The following SOX13 variants were observed in gnomAD, a reference collection of about 807,000 sequenced individuals.
SOX13 encodes SRY-box transcription factor 13, also known as transcription factor SOX-13.
In SOX13, 28 loss-of-function variants were observed where a neutral mutation model predicts 71.8. That is an observed-to-expected ratio of 0.39 (90% CI 0.29 to 0.53). The LOEUF (loss-of-function observed/expected upper bound fraction) is 0.53. Among genes scored for constraint, SOX13 ranks in the 20% least tolerant of loss-of-function variants. The pLI is 0.70. For missense variants in SOX13, 627 were observed against 810.3 expected (o/e 0.77, Z 2.75); for synonymous variants, 309 against 317.8 (o/e 0.97, Z 0.29).
chr1:204,122,949 AC>A lies in SOX13; in HGVS notation c.1125del (p.Phe376SerfsTer30). On this transcript the variant is annotated frameshift_variant, in exon 10 of 14. Coordinates refer to ENST00000367204, the MANE Select transcript of SOX13 (RefSeq NM_005686.3). LOFTEE classifies it high-confidence loss of function. ...TGGGGCCTTGGATGGCTCCCCCAAC[AC>A]CCCCTTCCGTAAGGTATGGTCCCCC... ...HSGALDGSPN[T>X]PFRKDLISLD... The A allele has an allele frequency of 1.9e-6, 3 of 1,583,642 alleles. No individual in the cohort carries two copies. Among genetic ancestry groups the A allele is most frequent in the South Asian group, 1.1e-5 (1 of 87,596 alleles).
At position 204,123,001 on chromosome 1, in the gene SOX13, C is replaced by T. The variant is rs74139464; in HGVS notation, c.1134+38C>T. The T allele has an allele frequency of 0.037, 56,239 of 1,516,266 alleles. 1,208 individuals are homozygous for T. Among genetic ancestry groups the T allele is most frequent in the African/African-American group, 0.073 (5,371 of 73,264 alleles). 93.9% of individuals were successfully genotyped at this position (1,516,266 alleles called of 1,614,324 possible). The stretch of plus-strand genomic sequence containing the variant: ...ACTCCCTTGAGCCTAGGGGCAGCAA[C>T]AGATGGTGGCCAGGAGTGGAAGACA... On this transcript the variant is annotated intron_variant, in intron 10 of 13. Transcript: ENST00000367204. This position sits in a 1 kb window ranked among gnomAD's most constrained non-coding sequence, Gnocchi z 5.0.
chr1:204,109,989 C>CA (rs1454984030), intron 1 of SOX13, among the ~76,000 whole-genome samples: 1 of 151,562 alleles, frequency 6.6e-6, no homozygotes, highest in Non-Finnish European at 1.5e-5. Context: ...TGCACCACCA[C>CA]ACCCGGCTAA....
In SOX13 at chr1:204,124,699, G is replaced by A. The variant is rs550267540; in HGVS notation, c.1434G>A (p.Ala478=). Residue 478 remains alanine (A), a synonymous_variant, in exon 13 of 14, where the codon GCG becomes GCA. Transcript: ENST00000367204. The part of the protein sequence containing the change: ...QEKQPYYEEQ[A]RLSRQHLEKY... ...AGCAGCCCTACTATGAGGAACAGGC[G>A]CGGCTGAGCCGGCAGCACCTGGAGA... 72 of 1,613,482 alleles carry A rather than the reference G, an allele frequency of 4.5e-5. No homozygotes were observed. Among genetic ancestry groups the A allele is most frequent in the South Asian group, 2.2e-4 (20 of 90,916 alleles).
chr1:204,118,660 A>C (rs1241480569), intron 7 of SOX13: 2 of 152,198 alleles, frequency 1.3e-5, no homozygotes, highest in African/African-American at 2.4e-5. Flanking sequence ...CCAAATTCTA[A>C]CAGCCACGAT....
rs12085092 is a variant in SOX13, at chr1:204,123,994, G to A, written c.1375+190G>A. ...GGGGTCTTATATCACTGAAGTGTTC[G>A]GTAGCACCTGTCCTCAAGAACTCAA... On this transcript the variant is annotated intron_variant, in intron 12 of 13. Transcript: ENST00000367204. The surrounding 1 kb of genome is among the most constrained non-coding windows in gnomAD (Gnocchi z 5.0). Among the ~76,000 whole-genome samples, 6,103 of 152,216 alleles carry A rather than the reference G, an allele frequency of 0.04. 375 individuals carry two copies. Among genetic ancestry groups the A allele is most frequent in the African/African-American group, 0.13 (5,542 of 41,506 alleles).
chr1:204,095,245 A>C (rs955380810), intron 1 of SOX13, among the ~76,000 whole-genome samples: 1 of 152,190 alleles, frequency 6.6e-6, no homozygotes, highest in Admixed American at 6.5e-5. Flanking sequence ...GATTTCCAGG[A>C]AAGTCGAGGA....
Position 204,089,683 on chromosome 1 carries a change from C to T in SOX13, c.-2+15972C>T, listed in dbSNP as rs75164054. 8.8e-3 allele frequency among the ~76,000 whole-genome samples: 1,340 copies of T among 152,292 alleles called. 27 individuals are homozygous for T. The highest frequency in any genetic ancestry group is 0.031 in the African/African-American group (1,288 of 41,562). On this transcript the variant is annotated intron_variant, in intron 1 of 13. Transcript: ENST00000367204. The stretch of plus-strand genomic sequence containing the variant: ...GATCAGGGCAGTAGATAGAGCCCTG[C>T]GGGCACCAGGGCTGTGTGGGTGCAG...
chr1:204,117,680 C>A lies in SOX13; in HGVS notation c.748C>A (p.Pro250Thr). The change falls in exon 7 of 14, where the codon CCC (proline) becomes ACC (threonine). Residue 250 changes from proline to threonine, a missense_variant. By Grantham distance (38) the Pro-to-Thr change is conservative. Coordinates refer to ENST00000367204, the MANE Select transcript of SOX13 (RefSeq NM_005686.3). The part of the protein sequence containing the change: ...PVTPDSQLAL[P>T]IQPIPCKPVE... ...CACCCCTGACTCCCAGCTGGCCTTA[C>A]CCATTCAGCCCATTCCCTGCAAACC... 6.2e-7 allele frequency: 1 copy of A among 1,613,026 alleles called. No homozygotes were observed. Among genetic ancestry groups the A allele is most frequent in the Non-Finnish European group, 8.5e-7 (1 of 1,179,290 alleles).
At chr1:204,096,589 G>C (rs1571575009) in intron 1 of SOX13, among the ~76,000 whole-genome samples, 1 of 151,688 alleles carries the variant, frequency 6.6e-6, no homozygotes, top group South Asian at 2.1e-4. Context: ...GCTAATTTTT[G>C]TATTTTTAGT....
At chr1:204,077,994 A>G (rs1453846653) in intron 1 of SOX13, 1 of 152,100 alleles carries the variant, frequency 6.6e-6, no homozygotes, top group Non-Finnish European at 1.5e-5. Flanking sequence ...TTGTATTTTT[A>G]GTAGAGACGG....
rs1656945478 is a variant in SOX13, at chr1:204,127,535, A to C, written c.*1401A>C. ...CCAAATCCCACAGGGCCAGATGTGGAGTCTGTGTCTGCCCCCGTCTTCTCT... is the reference window on the plus strand; with the variant it reads ...CCAAATCCCACAGGGCCAGATGTGGCGTCTGTGTCTGCCCCCGTCTTCTCT... On this transcript the variant is annotated 3_prime_UTR_variant, in exon 14 of 14. Coordinates refer to ENST00000367204, the MANE Select transcript of SOX13 (RefSeq NM_005686.3). 1 of 152,662 alleles carries C rather than the reference A, an allele frequency of 6.6e-6. No homozygotes were observed. Among genetic ancestry groups the C allele is most frequent in the East Asian group, 1.9e-4 (1 of 5,196 alleles). 9.5% of individuals were successfully genotyped at this position (152,662 alleles called of 1,614,324 possible).
intron 1 of SOX13, among the ~76,000 whole-genome samples, chr1:204,082,049 C>T (rs1176901523): frequency 6.8e-6 from 1 of 147,606 alleles, no homozygotes; most frequent in Non-Finnish European, 1.5e-5. Context: ...TGCCCGGCTC[C>T]TCTTTTCTTG....
At chr1:204,080,000 C>T (rs796571068) in intron 1 of SOX13, among the ~76,000 whole-genome samples, 18 of 152,288 alleles carry the variant, frequency 1.2e-4, no homozygotes, top group African/African-American at 4.3e-4. Context: ...GGAGACGTCC[C>T]GAGATCTGTA....
chr1:204,112,040 A>G (rs1484756283), intron 1 of SOX13, among the ~76,000 whole-genome samples: 2 of 152,202 alleles, frequency 1.3e-5, no homozygotes, highest in Non-Finnish European at 2.9e-5. Flanking sequence ...AATACCCATT[A>G]CTCAATTCCA....
rs559509517 is a variant in SOX13, at chr1:204,123,943, T to C, written c.1375+139T>C. On this transcript the variant is annotated intron_variant, in intron 12 of 13. Coordinates refer to ENST00000367204, the MANE Select transcript of SOX13 (RefSeq NM_005686.3). This position sits in a 1 kb window ranked among gnomAD's most constrained non-coding sequence, Gnocchi z 5.0. Reference sequence around the variant, plus strand: ...CTGACGACAGGGGTGCAGGAGTTGCTGGGGATGTGAGGGCAGCTGGGTCCT... The same window carrying C: ...CTGACGACAGGGGTGCAGGAGTTGCCGGGGATGTGAGGGCAGCTGGGTCCT... 6.0e-6 allele frequency: 6 copies of C among 999,460 alleles called. No homozygotes were observed. In the South Asian group the frequency reaches 8.2e-5, roughly 14 times the overall value. 61.9% of individuals were successfully genotyped at this position (999,460 alleles called of 1,614,324 possible).
chr1:204,111,803 T>A (rs1309559305), intron 1 of SOX13, among the ~76,000 whole-genome samples: 1 of 148,024 alleles, frequency 6.8e-6, no homozygotes, highest in Admixed American at 6.9e-5. Flanking sequence ...CCTCAGCCTC[T>A]TGAGTAACTG....
intron 7 of SOX13, chr1:204,119,211 C>T (rs1656754117): frequency 6.6e-6 from 1 of 152,320 alleles, no homozygotes; most frequent in South Asian, 2.1e-4. Flanking sequence ...AGGGGAAACA[C>T]AAAGGACTGA....
In SOX13 at chr1:204,123,925, C is replaced by A; in HGVS notation, c.1375+121C>A. On this transcript the variant is annotated intron_variant, in intron 12 of 13. Coordinates refer to ENST00000367204, the MANE Select transcript of SOX13 (RefSeq NM_005686.3). This position sits in a 1 kb window ranked among gnomAD's most constrained non-coding sequence, Gnocchi z 5.0. The stretch of plus-strand genomic sequence containing the variant: ...GTTGGACTCCAGTGGAATCTGACGA[C>A]AGGGGTGCAGGAGTTGCTGGGGATG... 3 of 1,149,884 alleles carry A rather than the reference C, an allele frequency of 2.6e-6. No homozygotes were observed. Among genetic ancestry groups the A allele is most frequent in the Non-Finnish European group, 2.5e-6 (2 of 813,066 alleles). 71.2% of individuals were successfully genotyped at this position (1,149,884 alleles called of 1,614,324 possible).
At chr1:204,120,162 G>C (rs1207685669) in intron 7 of SOX13, among the ~76,000 whole-genome samples, 1 of 152,226 alleles carries the variant, frequency 6.6e-6, no homozygotes, top group Non-Finnish European at 1.5e-5. Context: ...ATGGCACTTT[G>C]TTTCAACAGC....
Sources: allele counts gnomAD v4.1 joint callset (sites outside exome capture counted in the v4.1 genomes callset), GRCh38; gene constraint gnomAD v4.1.1; non-coding constraint Gnocchi (gnomAD v3.1); transcripts MANE v1.5; gene names NCBI Gene and HGNC (gene_info 2026-07-23, HGNC 2026-07-21).